The following CNTNAP5 variants were observed in gnomAD, a reference collection of about 807,000 sequenced individuals.
The protein encoded by CNTNAP5 is contactin-associated protein-like 5.
CNTNAP5 carries 72 observed loss-of-function variants against 150.2 expected under a neutral mutation model. The ratio of observed to expected loss-of-function variants is 0.48; its 90% CI spans 0.40 to 0.58. The LOEUF (loss-of-function observed/expected upper bound fraction) is 0.58. CNTNAP5 is among the 20% of genes least tolerant of loss of function. CNTNAP5 has a pLI of 0.00. For missense variants in CNTNAP5, 1,636 were observed against 1,626.2 expected (o/e 1.01, Z -0.10); for synonymous variants, 672 against 619.8 (o/e 1.08, Z -1.25).
intron 1 of CNTNAP5, among the ~76,000 whole-genome samples, chr2:124,158,203 C>T (rs1339144606): frequency 6.6e-6 from 1 of 152,064 alleles, no homozygotes; most frequent in Non-Finnish European, 1.5e-5. Flanking sequence ...AACCCAAAAC[C>T]CTCCCTTGGA....
chr2:124,581,307 CAG>C (rs1172526167), intron 11 of CNTNAP5, among the ~76,000 whole-genome samples: 1 of 152,020 alleles, frequency 6.6e-6, no homozygotes, highest in Non-Finnish European at 1.5e-5. Flanking sequence ...AAAAGTGAAA[CAG>C]GGAAAAAAGT....
chr2:124,276,094 A>G (rs1243119986), intron 3 of CNTNAP5, among the ~76,000 whole-genome samples: 4 of 152,162 alleles, frequency 2.6e-5, no homozygotes, highest in Non-Finnish European at 5.9e-5. Flanking sequence ...CAAACTTCAC[A>G]CTGAAACACT....
rs574954420 is a variant in CNTNAP5 at position 124,404,303 on chromosome 2, T to A, written c.382-13140T>A. 5.3e-5 allele frequency among the ~76,000 whole-genome samples: 8 copies of A among 152,332 alleles called. No individual in the cohort carries two copies. In the East Asian group the frequency reaches 1.5e-3, roughly 29 times the overall value. On this transcript the variant is annotated intron_variant, in intron 3 of 23. Coordinates refer to ENST00000682447, the MANE Select transcript of CNTNAP5 (RefSeq NM_001367498.1). Reference sequence around the variant, plus strand: ...ACTGTAGTTAGGCAAATTAATAACATCTGCCTGGTGGCACCGGGATACTTG... The same window carrying A: ...ACTGTAGTTAGGCAAATTAATAACAACTGCCTGGTGGCACCGGGATACTTG...
chr2:124,846,327 C>T (rs1558798395), intron 19 of CNTNAP5, among the ~76,000 whole-genome samples: 1 of 152,100 alleles, frequency 6.6e-6, no homozygotes, highest in African/African-American at 2.4e-5. Flanking sequence ...ACAGCCTTGT[C>T]TGTGAGCTGT....
Position 124,298,194 on chromosome 2 carries a change from G to C in CNTNAP5, c.381+55801G>C, listed in dbSNP as rs147947636. Among the ~76,000 whole-genome samples, 378 of 152,094 alleles carry C rather than the reference G, an allele frequency of 2.5e-3. 4 individuals are homozygous for C. The highest frequency in any genetic ancestry group is 8.4e-3 in the African/African-American group (350 of 41,492). ...TTATTTTAAGTTCAGGGATGTAAAT[G>C]CTTGTTTGTTACATAGGTAAACTTG... is the stretch of plus-strand genomic sequence containing the variant. On this transcript the variant is annotated intron_variant, in intron 3 of 23. Coordinates refer to ENST00000682447, the MANE Select transcript of CNTNAP5 (RefSeq NM_001367498.1).
intron 6 of CNTNAP5, among the ~76,000 whole-genome samples, chr2:124,466,384 G>T (rs1458586461): frequency 2.6e-5 from 4 of 152,030 alleles, no homozygotes; most frequent in Non-Finnish European, 5.9e-5. Flanking sequence ...TCACTAGTAT[G>T]CTTGCATTGT....
chr2:124,735,125 T>G (rs929379240), intron 13 of CNTNAP5, among the ~76,000 whole-genome samples: 1 of 152,164 alleles, frequency 6.6e-6, no homozygotes, highest in Non-Finnish European at 1.5e-5. Context: ...TCTCTATATA[T>G]GTACCCCCTT....
chr2:124,231,003 C>T (rs183471345), intron 2 of CNTNAP5, among the ~76,000 whole-genome samples: 2 of 152,224 alleles, frequency 1.3e-5, no homozygotes, highest in East Asian at 3.9e-4. Flanking sequence ...TTTCATCACA[C>T]TCTCCCTTCC....
rs369730019 is a variant in CNTNAP5 at position 124,454,417 on chromosome 2, C to T, written c.918+7480C>T. Among the ~76,000 whole-genome samples the T allele has an allele frequency of 2.0e-5, 3 of 152,196 alleles. No individual in the cohort carries two copies. In the East Asian group the frequency reaches 5.8e-4, roughly 29 times the overall value. On this transcript the variant is annotated intron_variant, in intron 6 of 23. Transcript: ENST00000682447. ...AATTTGTAAAACAATTACTACTAGA[C>T]CTAACATACAGACAGCAGCTAAATA...
In CNTNAP5 at chr2:124,387,468, G is replaced by A. The variant is rs529817238; in HGVS notation, c.382-29975G>A. Among the ~76,000 whole-genome samples, 47 of 152,314 alleles carry A rather than the reference G, an allele frequency of 3.1e-4. No individual in the cohort carries two copies. In the South Asian group the frequency reaches 7.5e-3, roughly 24 times the overall value. On this transcript the variant is annotated intron_variant, in intron 3 of 23. Transcript: ENST00000682447. ...GGCTGAATCCGAAAAGAGAGTCAGC[G>A]AAGGGAGATGGATTATCATTAGTTC...
chr2:124,126,640 C>A (rs573026472), intron 1 of CNTNAP5, among the ~76,000 whole-genome samples: 1 of 152,182 alleles, frequency 6.6e-6, no homozygotes, highest in Non-Finnish European at 1.5e-5. Context: ...CCCTGATGAA[C>A]ATCAACGCAA....
chr2:124,119,178 G>T (rs1460280631), intron 1 of CNTNAP5, among the ~76,000 whole-genome samples: 1 of 152,152 alleles, frequency 6.6e-6, no homozygotes, highest in Admixed American at 6.6e-5. Flanking sequence ...TACCTAGAAA[G>T]AAGGAACTTC....
At chr2:124,201,899 A>G (rs373498531) in intron 1 of CNTNAP5, among the ~76,000 whole-genome samples, 9 of 152,182 alleles carry the variant, frequency 5.9e-5, no homozygotes, top group South Asian at 2.1e-4. Flanking sequence ...CAACATTGGC[A>G]AAAGTTATGG....
At chr2:124,538,065 GTTCAT>G (rs1332001237) in intron 10 of CNTNAP5, among the ~76,000 whole-genome samples, 2 of 152,302 alleles carry the variant, frequency 1.3e-5, no homozygotes, top group Admixed American at 1.3e-4. Flanking sequence ...AAGACGAGGA[GTTCAT>G]TTCAAGTGCT....
intron 3 of CNTNAP5, among the ~76,000 whole-genome samples, chr2:124,284,476 G>A (rs1444749849): frequency 2.0e-5 from 3 of 152,112 alleles, no homozygotes; most frequent in Non-Finnish European, 4.4e-5. Context: ...TGGGGGAAGG[G>A]AGAGCATCAG....
intron 3 of CNTNAP5, among the ~76,000 whole-genome samples, chr2:124,292,401 C>T (rs116673583): frequency 0.023 from 3,519 of 152,038 alleles, 114 homozygotes; most frequent in African/African-American, 0.074. Flanking sequence ...AAAGGAGGAA[C>T]GGAGCAAATT....
intron 1 of CNTNAP5, among the ~76,000 whole-genome samples, chr2:124,200,523 A>G (rs892969714): frequency 1.3e-5 from 2 of 152,040 alleles, no homozygotes; most frequent in Admixed American, 6.6e-5. Context: ...TTTATTTTGA[A>G]TTGTGGTAAA....
intron 10 of CNTNAP5, among the ~76,000 whole-genome samples, chr2:124,543,321 A>G (rs1695433847): frequency 6.7e-6 from 1 of 150,008 alleles, no homozygotes; most frequent in Admixed American, 6.7e-5. Flanking sequence ...AAAAAAAAAA[A>G]TAGGTTAGCT....
At chr2:124,764,387 C>G (rs899440547) in intron 16 of CNTNAP5, among the ~76,000 whole-genome samples, 20 of 152,158 alleles carry the variant, frequency 1.3e-4, no homozygotes, top group African/African-American at 4.8e-4. Context: ...CCATAGACAC[C>G]TATTACAGTT....
Sources: gnomAD v4.1 joint callset for allele counts (sites outside exome capture counted in the v4.1 genomes callset) on GRCh38, gnomAD v4.1.1 for gene constraint, MANE v1.5 for transcripts, NCBI Gene and HGNC (gene_info 2026-07-23, HGNC 2026-07-21) for gene names.